The following NOVA1 variants were observed in gnomAD, a reference collection of about 807,000 sequenced individuals.
NOVA1 encodes the protein NOVA alternative splicing regulator 1, also known as RNA-binding protein Nova-1.
A neutral mutation model predicts 38.0 loss-of-function variants in NOVA1; 7 were observed. The observed-to-expected ratio is 0.18, with a 90% CI of 0.10 to 0.35. The LOEUF is 0.35. NOVA1 is among the 10% of genes least tolerant of loss of function. NOVA1 has a pLI of 1.00. For synonymous variants in NOVA1, 270 were observed against 232.5 expected, an observed-to-expected ratio of 1.16 and a Z score of -1.47; for missense variants, 460 against 616.0, an observed-to-expected ratio of 0.75 and a Z score of 2.68.
chr14:26,597,827 G>T lies in NOVA1; in HGVS notation c.-391C>A. 1 of 281,408 alleles carries T rather than the reference G, an allele frequency of 3.6e-6. No individual in the cohort carries two copies. The highest frequency in any genetic ancestry group is 5.4e-6 in the Non-Finnish European group (1 of 183,604). The allele number at this position is 281,408 out of a possible 1,614,324, so 17.4% of individuals were successfully genotyped here. On this transcript the variant is annotated 5_prime_UTR_variant, in exon 1 of 5. Transcript: ENST00000539517. ...GGAGTGGGAGAGCGCGAGGGCTGGC[G>T]GGGCGCGGGGAGAAGCCGAGGAGGA...
At chr14:26,539,648 C>G (rs1258453310) in intron 2 of NOVA1, among the ~76,000 whole-genome samples, 1 of 151,948 alleles carries the variant, frequency 6.6e-6, no homozygotes, top group Non-Finnish European at 1.5e-5. Context: ...TTATATTAAT[C>G]AAAGCATTCA....
chr14:26,496,554 A>G (rs1290751144), intron 2 of NOVA1, among the ~76,000 whole-genome samples: 2 of 152,042 alleles, frequency 1.3e-5, no homozygotes, highest in Non-Finnish European at 2.9e-5. Context: ...TGTTTTAGAC[A>G]TGAAGTCCTT....
chr14:26,486,716 A>AAAAAAG (rs1885932243), intron 2 of NOVA1, among the ~76,000 whole-genome samples: 1 of 149,446 alleles, frequency 6.7e-6, no homozygotes, highest in Non-Finnish European at 1.5e-5. Flanking sequence ...AAAAAAAAAA[A>AAAAAAG]AAAAAGCCAA....
chr14:26,470,572 CTTA>C (rs1053836616), intron 4 of NOVA1: 15 of 1,000,996 alleles, frequency 1.5e-5, no homozygotes, highest in African/African-American at 1.1e-4. Context: ...TTACAAATGA[CTTA>C]TTATTTCAAA....
intron 2 of NOVA1, among the ~76,000 whole-genome samples, chr14:26,574,271 C>T (rs1290833326): frequency 1.1e-5 from 1 of 87,990 alleles, no homozygotes; most frequent in Non-Finnish European, 2.2e-5. Flanking sequence ...TGATCCACCC[C>T]CCCCCCCCCG....
At chr14:26,575,226 A>C (rs189505930) in intron 2 of NOVA1, among the ~76,000 whole-genome samples, 1 of 152,312 alleles carries the variant, frequency 6.6e-6, no homozygotes, top group East Asian at 1.9e-4. Flanking sequence ...GAACTTTATA[A>C]ACAAGAATTG....
chr14:26,562,615 ACACT>A (rs1391832496), intron 2 of NOVA1, among the ~76,000 whole-genome samples: 3 of 152,152 alleles, frequency 2.0e-5, no homozygotes, highest in Non-Finnish European at 4.4e-5. Flanking sequence ...AACTAGGAAC[ACACT>A]CTGCACAGAG....
At chr14:26,449,074 TA>T in intron 4 of NOVA1, 111 bp from the exon 5 acceptor site, 2 of 1,008,808 alleles carry the variant, frequency 2.0e-6, no homozygotes, top group Non-Finnish European at 1.4e-6. Context: ...AAACATAATT[TA>T]TGAAACAGAA....
At chr14:26,519,653 T>C (rs1254290155) in intron 2 of NOVA1, 2 of 152,178 alleles carry the variant, frequency 1.3e-5, no homozygotes, top group Non-Finnish European at 2.9e-5. Flanking sequence ...GAATGTATCT[T>C]CCTAACATGT....
At chr14:26,473,654 G>A (rs1255547624) in intron 3 of NOVA1, among the ~76,000 whole-genome samples, 1 of 151,850 alleles carries the variant, frequency 6.6e-6, no homozygotes. Context: ...CCAGGCTTCT[G>A]GTTAATTCAC....
chr14:26,539,116 T>C (rs1680653735), intron 2 of NOVA1, among the ~76,000 whole-genome samples: 1 of 152,156 alleles, frequency 6.6e-6, no homozygotes, highest in African/African-American at 2.4e-5. Context: ...AATTCTCTAT[T>C]TGGGTTACAC....
intron 2 of NOVA1, among the ~76,000 whole-genome samples, chr14:26,529,368 C>T (rs551793138): frequency 4.0e-4 from 61 of 152,220 alleles, no homozygotes; most frequent in South Asian, 2.3e-3. Flanking sequence ...GAACTCCTGA[C>T]TGCAGGTGAT....
chr14:26,559,956 TATTAA>T (rs1891721272), intron 2 of NOVA1, among the ~76,000 whole-genome samples: 1 of 152,160 alleles, frequency 6.6e-6, no homozygotes, highest in South Asian at 2.1e-4. Context: ...ATACAAAATG[TATTAA>T]ATTATTGTAA....
intron 2 of NOVA1, among the ~76,000 whole-genome samples, chr14:26,482,390 T>C (rs1004735285): frequency 1.1e-4 from 16 of 152,144 alleles, no homozygotes; most frequent in East Asian, 1.9e-4. Flanking sequence ...ACTGAACTTA[T>C]GGCCTTTTCA....
intron 3 of NOVA1, chr14:26,479,512 T>C (rs1885258304): frequency 6.5e-6 from 1 of 154,946 alleles, no homozygotes; most frequent in Non-Finnish European, 1.4e-5. Context: ...TACTATACAT[T>C]TTTTTGATAA....
At chr14:26,574,949 C>A (rs990019491) in intron 2 of NOVA1, among the ~76,000 whole-genome samples, 8 of 152,172 alleles carry the variant, frequency 5.3e-5, no homozygotes, top group Non-Finnish European at 8.8e-5. Context: ...CAGGCGTGAG[C>A]CACTGAGCCC....
chr14:26,566,554 T>G (rs1892144989), intron 2 of NOVA1, among the ~76,000 whole-genome samples: 1 of 152,110 alleles, frequency 6.6e-6, no homozygotes, highest in South Asian at 2.1e-4. Context: ...ACTATTATTA[T>G]TATCATTATT....
intron 4 of NOVA1, among the ~76,000 whole-genome samples, chr14:26,457,637 G>T (rs959523731): frequency 2.6e-5 from 4 of 152,038 alleles, no homozygotes; most frequent in Non-Finnish European, 2.9e-5. Flanking sequence ...GATGATAAAT[G>T]ACTGTTACTG....
At chr14:26,527,346 C>T (rs1297754155) in intron 2 of NOVA1, among the ~76,000 whole-genome samples, 3 of 151,960 alleles carry the variant, frequency 2.0e-5, no homozygotes, top group Admixed American at 1.3e-4. Flanking sequence ...CATGTTGATG[C>T]CCATGGGAAA....
Sources: gnomAD v4.1 joint callset for allele counts (sites outside exome capture counted in the v4.1 genomes callset) on GRCh38, gnomAD v4.1.1 for gene constraint, MANE v1.5 for transcripts, NCBI Gene and HGNC (gene_info 2026-07-23, HGNC 2026-07-21) for gene names.